BMP5: variants seen among roughly 807,000 people sequenced by gnomAD.
BMP5 encodes bone morphogenetic protein 5.
BMP5 carries 23 observed loss-of-function variants against 46.6 expected under a neutral mutation model. The observed-to-expected ratio is 0.49, with a 90% CI of 0.35 to 0.70. BMP5 has a LOEUF of 0.70. Ranked by LOEUF, BMP5 falls within the 30% of genes least tolerant of loss-of-function variation. The pLI is 0.00. For synonymous variants in BMP5, 204 were observed against 191.9 expected, an observed-to-expected ratio of 1.06 and a Z score of -0.52; for missense variants, 545 against 565.6, an observed-to-expected ratio of 0.96 and a Z score of 0.37.
At chr6:55,793,251 G>A (rs1382478640) in intron 3 of BMP5, among the ~76,000 whole-genome samples, 1 of 152,116 alleles carries the variant, frequency 6.6e-6, no homozygotes, top group Non-Finnish European at 1.5e-5. Context: ...TGCAAATTCT[G>A]TTCCATGTGT....
chr6:55,771,722 A>G (rs1775050952), intron 4 of BMP5, among the ~76,000 whole-genome samples: 3 of 151,830 alleles, frequency 2.0e-5, no homozygotes. Context: ...GATTTTCAAC[A>G]TTTGATAATA....
At chr6:55,872,868 G>A (rs1356806917) in intron 1 of BMP5, among the ~76,000 whole-genome samples, 1 of 151,662 alleles carries the variant, frequency 6.6e-6, no homozygotes. Flanking sequence ...ATGTTACAAA[G>A]CAAAATGTAC....
chr6:55,774,229 C>G lies in BMP5; in HGVS notation c.847G>C (p.Val283Leu). The change falls in exon 4 of 7, where the codon GTA becomes CTA. Residue 283 changes from valine to leucine, a missense_variant. Val to Leu is a conservative substitution (Grantham distance 32). Transcript: ENST00000370830. ...CTTCCCACAAGACCAGCAGATTTTA[C>G]GTTGATACTGCGTCCTAGAACGTAA... The part of the protein sequence containing the change: ...AETGDGRSIN[V>L]KSAGLVGRQG... The G allele has an allele frequency of 6.2e-7, 1 of 1,612,882 alleles. No individual in the cohort carries two copies. The highest frequency in any genetic ancestry group is 8.5e-7 in the Non-Finnish European group (1 of 1,179,270).
intron 1 of BMP5, among the ~76,000 whole-genome samples, chr6:55,857,170 T>G (rs1195923369): frequency 6.6e-6 from 1 of 152,154 alleles, no homozygotes; most frequent in African/African-American, 2.4e-5. Flanking sequence ...GATTTAGAGT[T>G]TATCGATCAC....
chr6:55,755,952 TGGA>T (rs1774583383), intron 6 of BMP5, among the ~76,000 whole-genome samples: 2 of 151,920 alleles, frequency 1.3e-5, no homozygotes, highest in Non-Finnish European at 2.9e-5. Flanking sequence ...GAATATTCAG[TGGA>T]AGTTTTCCTA....
At chr6:55,768,499 A>G (rs1774970667) in intron 4 of BMP5, among the ~76,000 whole-genome samples, 3 of 151,886 alleles carry the variant, frequency 2.0e-5, no homozygotes, top group South Asian at 4.1e-4. Context: ...TGTAAATGTT[A>G]TGGGCATGTG....
intron 1 of BMP5, among the ~76,000 whole-genome samples, chr6:55,843,480 T>C (rs1777014250): frequency 6.6e-6 from 1 of 152,086 alleles, no homozygotes; most frequent in Non-Finnish European, 1.5e-5. Context: ...CTCCAATTCA[T>C]AGTTATGTTG....
At chr6:55,845,692 A>G (rs1777081429) in intron 1 of BMP5, among the ~76,000 whole-genome samples, 1 of 152,160 alleles carries the variant, frequency 6.6e-6, no homozygotes, top group Admixed American at 6.6e-5. Flanking sequence ...GGTTCCTCTT[A>G]TACAGGGAGA....
chr6:55,786,739 T>C (rs1775459545), intron 3 of BMP5, among the ~76,000 whole-genome samples: 1 of 151,686 alleles, frequency 6.6e-6, no homozygotes, highest in African/African-American at 2.4e-5. Flanking sequence ...AGTGTATATC[T>C]TCTTTTTTCC....
At chr6:55,844,282 C>T (rs530952973) in intron 1 of BMP5, among the ~76,000 whole-genome samples, 2 of 152,076 alleles carry the variant, frequency 1.3e-5, no homozygotes, top group Admixed American at 1.3e-4. Flanking sequence ...TGTCATCATG[C>T]CTCATTAATC....
chr6:55,813,766 G>C (rs1776191606), intron 2 of BMP5, among the ~76,000 whole-genome samples: 1 of 139,598 alleles, frequency 7.2e-6, no homozygotes, highest in African/African-American at 2.9e-5. Flanking sequence ...CAGCCTGGAT[G>C]AAAGAGCGAG....
chr6:55,865,585 A>G (rs1437607441), intron 1 of BMP5, among the ~76,000 whole-genome samples: 1 of 152,164 alleles, frequency 6.6e-6, no homozygotes, highest in Non-Finnish European at 1.5e-5. Flanking sequence ...AGAGTCAATG[A>G]AATTCAAGGT....
At chr6:55,808,975 C>A (rs1776058317) in intron 2 of BMP5, among the ~76,000 whole-genome samples, 1 of 152,200 alleles carries the variant, frequency 6.6e-6, no homozygotes, top group Non-Finnish European at 1.5e-5. Flanking sequence ...AATCTAGGAA[C>A]CACAATCATA....
chr6:55,805,841 A>G (rs910103076), intron 2 of BMP5, among the ~76,000 whole-genome samples: 5 of 151,904 alleles, frequency 3.3e-5, no homozygotes, highest in African/African-American at 1.2e-4. Flanking sequence ...TTTTTTTCAT[A>G]TGTTTGTTGG....
At chr6:55,785,880 AGTTTTAT>A in intron 3 of BMP5, among the ~76,000 whole-genome samples, 1 of 151,892 alleles carries the variant, frequency 6.6e-6, no homozygotes, top group Non-Finnish European at 1.5e-5. Context: ...ATTTAGATTG[AGTTTTAT>A]GTTTTGCTAT....
intron 1 of BMP5, among the ~76,000 whole-genome samples, chr6:55,872,797 G>A (rs1033658481): frequency 6.6e-6 from 1 of 151,576 alleles, no homozygotes; most frequent in Non-Finnish European, 1.5e-5. Context: ...AATTTTGCTA[G>A]GTTGAAATTT....
In BMP5 at chr6:55,814,365, T is replaced by C. The variant is rs964814976; in HGVS notation, c.683+5290A>G. Among the ~76,000 whole-genome samples, 8 of 152,196 alleles carry C rather than the reference T, an allele frequency of 5.3e-5. No individual in the cohort carries two copies. The South Asian group carries it at 1.7e-3, about 31-fold the overall frequency. On this transcript the variant is annotated intron_variant, in intron 2 of 6. Coordinates refer to ENST00000370830, the MANE Select transcript of BMP5 (RefSeq NM_021073.4). ...AGTTATATGAAAATATATTGATGAA[T>C]GTATTTATTATCAACTATGATCTTT...
intron 1 of BMP5, among the ~76,000 whole-genome samples, chr6:55,858,765 A>G (rs147464474): frequency 0.013 from 1,973 of 152,364 alleles, 38 homozygotes; most frequent in African/African-American, 0.045. Flanking sequence ...CTGGATAAAG[A>G]AAATGTGGCA....
chr6:55,811,804 C>A (rs1036626354), intron 2 of BMP5, among the ~76,000 whole-genome samples: 2 of 152,100 alleles, frequency 1.3e-5, no homozygotes, highest in Non-Finnish European at 2.9e-5. Flanking sequence ...CTCTCAGAGG[C>A]TTTCCCTAAG....
Sources: gnomAD v4.1 joint callset for allele counts (sites outside exome capture counted in the v4.1 genomes callset) on GRCh38, gnomAD v4.1.1 for gene constraint, MANE v1.5 for transcripts, NCBI Gene and HGNC (gene_info 2026-07-23, HGNC 2026-07-21) for gene names.